Variants in DENND1A observed in about 807,000 individuals in gnomAD.
DENND1A encodes the protein DENN domain-containing protein 1A.
Under a neutral mutation model 113.7 loss-of-function variants are expected in DENND1A, and 51 were observed. That is an observed-to-expected ratio of 0.45 (90% CI 0.36 to 0.57). DENND1A has a LOEUF of 0.57. Ranked by LOEUF, DENND1A falls within the 20% of genes least tolerant of loss-of-function variation. DENND1A has a pLI of 0.00. For missense variants in DENND1A, 1,258 were observed against 1,395.9 expected, an observed-to-expected ratio of 0.90 and a Z score of 1.57; for synonymous variants, 565 against 570.8, an observed-to-expected ratio of 0.99 and a Z score of 0.14.
chr9:123,512,831 C>T (rs1005342956), intron 13 of DENND1A, among the ~76,000 whole-genome samples: 7 of 152,214 alleles, frequency 4.6e-5, no homozygotes, highest in Admixed American at 3.9e-4. Context: ...CTCTCTGAGT[C>T]TCAGTTTCCT....
chr9:123,436,170 C>T (rs1399642178), intron 19 of DENND1A, among the ~76,000 whole-genome samples: 2 of 152,222 alleles, frequency 1.3e-5, no homozygotes, highest in Non-Finnish European at 2.9e-5. Context: ...GCCAGGCACC[C>T]TCTTGTTCAA....
At chr9:123,775,594 A>T (rs1830357753) in intron 3 of DENND1A, among the ~76,000 whole-genome samples, 1 of 152,234 alleles carries the variant, frequency 6.6e-6, no homozygotes, top group Non-Finnish European at 1.5e-5. Flanking sequence ...CAGCTTTTAA[A>T]TATTTTAAAT....
chr9:123,894,028 CCT>C lies in DENND1A; in HGVS notation c.18-15009_18-15008del, dbSNP rs915342661. Reference sequence around the variant, plus strand: ...ACCGTCACAAAACTGGTTTCAAAGCCCTGTTATAAGGCTTCCCAGGTGGTATT... The same window carrying C: ...ACCGTCACAAAACTGGTTTCAAAGCCGTTATAAGGCTTCCCAGGTGGTATT... On this transcript the variant is annotated intron_variant, in intron 1 of 23. Coordinates refer to ENST00000394215, the MANE Select transcript of DENND1A (RefSeq NM_001352964.2). Among the ~76,000 whole-genome samples, 9 of 152,250 alleles carry C rather than the reference CCT, an allele frequency of 5.9e-5. No homozygotes were observed. In the East Asian group the frequency reaches 1.7e-3, roughly 29 times the overall value.
rs55711752 is a variant in DENND1A at position 123,758,653 on chromosome 9, T to C, written c.183-831A>G. Among the ~76,000 whole-genome samples, 1,233 of 151,350 alleles carry C rather than the reference T, an allele frequency of 8.1e-3. 19 individuals carry two copies. Among genetic ancestry groups the C allele is most frequent in the African/African-American group, 0.029 (1,178 of 41,278 alleles). ...GCATTGCATGGTGTTTTCTAAGAAA[T>C]GGAAACAACATTTTAAAGAAAGACG... On this transcript the variant is annotated intron_variant, in intron 4 of 23. Transcript: ENST00000394215.
chr9:123,521,912 T>C (rs1027209288), intron 13 of DENND1A, among the ~76,000 whole-genome samples: 3 of 152,204 alleles, frequency 2.0e-5, no homozygotes, highest in African/African-American at 7.2e-5. Context: ...TGACAACGCA[T>C]GGGAAGTGTC....
chr9:123,778,497 T>C (rs1830770831), intron 3 of DENND1A, among the ~76,000 whole-genome samples: 1 of 152,228 alleles, frequency 6.6e-6, no homozygotes, highest in Non-Finnish European at 1.5e-5. Flanking sequence ...AAGTCATCAG[T>C]TTGAGCTTAT....
chr9:123,455,771 A>C (rs2048071305), intron 15 of DENND1A, among the ~76,000 whole-genome samples: 1 of 152,226 alleles, frequency 6.6e-6, no homozygotes, highest in Non-Finnish European at 1.5e-5. Flanking sequence ...CTACTGAATA[A>C]GTGAGCTCAG....
intron 10 of DENND1A, among the ~76,000 whole-genome samples, chr9:123,619,302 T>C (rs1178243862): frequency 6.6e-6 from 1 of 152,228 alleles, no homozygotes; most frequent in African/African-American, 2.4e-5. Flanking sequence ...TAGACTGTAT[T>C]AAAAATCTAA....
At chr9:123,536,619 C>A (rs1237838702) in intron 13 of DENND1A, among the ~76,000 whole-genome samples, 1 of 152,040 alleles carries the variant, frequency 6.6e-6, no homozygotes. Flanking sequence ...CTGAAGGAGA[C>A]CGAGCCGTCC....
chr9:123,520,533 A>G (rs2054310851), intron 13 of DENND1A, among the ~76,000 whole-genome samples: 1 of 152,256 alleles, frequency 6.6e-6, no homozygotes, highest in South Asian at 2.1e-4. Flanking sequence ...AGCCACCCTG[A>G]GCTCATGAGC....
At chr9:123,731,980 T>C (rs1355664421) in intron 5 of DENND1A, among the ~76,000 whole-genome samples, 2 of 152,170 alleles carry the variant, frequency 1.3e-5, no homozygotes, top group African/African-American at 2.4e-5. Context: ...CAATCACTGA[T>C]TATTAGGAAA....
At chr9:123,706,271 CT>C in intron 5 of DENND1A, among the ~76,000 whole-genome samples, 1 of 151,846 alleles carries the variant, frequency 6.6e-6, no homozygotes, top group East Asian at 2.0e-4. Context: ...CTGCCTCAGC[CT>C]TCCAAATAGC....
At chr9:123,765,415 C>A (rs1176980543) in intron 4 of DENND1A, among the ~76,000 whole-genome samples, 1 of 152,156 alleles carries the variant, frequency 6.6e-6, no homozygotes, top group Non-Finnish European at 1.5e-5. Flanking sequence ...CAATGCCTGG[C>A]ACAAAACAGA....
At chr9:123,843,989 C>G (rs1842204870) in intron 2 of DENND1A, among the ~76,000 whole-genome samples, 1 of 151,984 alleles carries the variant, frequency 6.6e-6, no homozygotes, top group Non-Finnish European at 1.5e-5. Flanking sequence ...TCTCAAAAGA[C>G]ACAGAAAAAG....
intron 13 of DENND1A, among the ~76,000 whole-genome samples, chr9:123,556,922 C>T (rs189627974): frequency 2.0e-5 from 3 of 152,320 alleles, no homozygotes; most frequent in East Asian, 1.9e-4. Context: ...CTTGCAATCA[C>T]GAGTCACTTC....
chr9:123,872,171 A>G (rs183391134), intron 2 of DENND1A, among the ~76,000 whole-genome samples: 6 of 151,368 alleles, frequency 4.0e-5, no homozygotes, highest in African/African-American at 1.5e-4. Flanking sequence ...GAAGTGTGGC[A>G]AAAAAAAATA....
chr9:123,893,773 A>G (rs573829095), intron 1 of DENND1A, among the ~76,000 whole-genome samples: 1 of 152,344 alleles, frequency 6.6e-6, no homozygotes, highest in South Asian at 2.1e-4. Flanking sequence ...ACTCAAGCCC[A>G]GGTCTGTTCT....
chr9:123,709,711 C>T (rs1033992565), intron 5 of DENND1A, among the ~76,000 whole-genome samples: 4 of 152,172 alleles, frequency 2.6e-5, no homozygotes, highest in Non-Finnish European at 4.4e-5. Context: ...GTAAACTGCA[C>T]TGCTGATGGT....
chr9:123,689,498 T>C (rs1042639871), intron 5 of DENND1A, among the ~76,000 whole-genome samples: 1 of 152,208 alleles, frequency 6.6e-6, no homozygotes, highest in Non-Finnish European at 1.5e-5. Context: ...TTTGGTAATA[T>C]ATTTTAAATG....
Sources: allele counts gnomAD v4.1 joint callset (sites outside exome capture counted in the v4.1 genomes callset), GRCh38; gene constraint gnomAD v4.1.1; transcripts MANE v1.5; gene names NCBI Gene and HGNC (gene_info 2026-07-23, HGNC 2026-07-21).